Variants in FRMD4A observed in about 807,000 individuals in gnomAD.
FRMD4A encodes FERM domain-containing protein 4A.
Under a neutral mutation model 129.1 loss-of-function variants are expected in FRMD4A, and 29 were observed. That is an observed-to-expected ratio of 0.22 (90% CI 0.17 to 0.31). The LOEUF (loss-of-function observed/expected upper bound fraction) is 0.31. Ranked by LOEUF, FRMD4A falls within the 10% of genes least tolerant of loss-of-function variation. FRMD4A has a pLI of 1.00. For missense variants in FRMD4A, 1,272 were observed against 1,375.8 expected (o/e 0.92, Z 1.19); for synonymous variants, 634 against 571.6 (o/e 1.11, Z -1.56).
chr10:14,146,674 C>T (rs1029766522), intron 2 of FRMD4A, among the ~76,000 whole-genome samples: 11 of 152,156 alleles, frequency 7.2e-5, no homozygotes, highest in Non-Finnish European at 1.2e-4. Flanking sequence ...TGACTCAACA[C>T]GGCACTAAGT....
chr10:13,893,864 A>G (rs2094728490), intron 2 of FRMD4A, among the ~76,000 whole-genome samples: 1 of 151,802 alleles, frequency 6.6e-6, no homozygotes, highest in Non-Finnish European at 1.5e-5. Flanking sequence ...GGAGTTGTTG[A>G]ATTTTATCCA....
chr10:13,675,629 G>A (rs895663482), intron 15 of FRMD4A: 1 of 152,358 alleles, frequency 6.6e-6, no homozygotes, highest in Non-Finnish European at 1.5e-5. Context: ...TCGAACTCCT[G>A]ACCTCAAGTG....
At chr10:14,080,741 A>C (rs1008409495) in intron 2 of FRMD4A, among the ~76,000 whole-genome samples, 1 of 151,956 alleles carries the variant, frequency 6.6e-6, no homozygotes. Flanking sequence ...AAAAGGATGC[A>C]TTGAGGAAAG....
At chr10:13,716,159 C>G (rs531661136) in intron 12 of FRMD4A, among the ~76,000 whole-genome samples, 9 of 152,224 alleles carry the variant, frequency 5.9e-5, no homozygotes, top group African/African-American at 2.2e-4. Flanking sequence ...CCCATTCATT[C>G]GTTTGTGCTG....
At chr10:14,087,850 A>T (rs1836383043) in intron 2 of FRMD4A, among the ~76,000 whole-genome samples, 2 of 152,170 alleles carry the variant, frequency 1.3e-5, no homozygotes, top group African/African-American at 4.8e-5. Flanking sequence ...TGCCGTGTGC[A>T]CTCCATTATT....
chr10:13,779,299 G>T (rs1196944292), intron 6 of FRMD4A, among the ~76,000 whole-genome samples: 1 of 147,248 alleles, frequency 6.8e-6, no homozygotes, highest in East Asian at 2.0e-4. Flanking sequence ...CTGGGCTACA[G>T]AGTGAGACTC....
At chr10:14,066,302 T>G (rs950770655) in intron 2 of FRMD4A, among the ~76,000 whole-genome samples, 2 of 150,666 alleles carry the variant, frequency 1.3e-5, no homozygotes, top group Admixed American at 6.6e-5. Flanking sequence ...GACAACTTCC[T>G]CTTGGTGGGG....
At chr10:14,021,801 AC>A (rs1228545093) in intron 2 of FRMD4A, among the ~76,000 whole-genome samples, 5 of 152,162 alleles carry the variant, frequency 3.3e-5, no homozygotes, top group Non-Finnish European at 5.9e-5. Context: ...CCGATATCTT[AC>A]AATAACAAAT....
chr10:13,789,898 A>T (rs1220526212), intron 5 of FRMD4A, among the ~76,000 whole-genome samples: 2 of 151,798 alleles, frequency 1.3e-5, no homozygotes, highest in Non-Finnish European at 2.9e-5. Context: ...TTCTGAGGAT[A>T]ATGGGAAGCT....
At chr10:14,108,085 A>G (rs754804332) in intron 2 of FRMD4A, among the ~76,000 whole-genome samples, 3 of 152,186 alleles carry the variant, frequency 2.0e-5, no homozygotes, top group Non-Finnish European at 4.4e-5. Context: ...CAAGTGCCTC[A>G]TTCTTCACGG....
At chr10:13,691,439 C>A (rs370996960) in intron 15 of FRMD4A, among the ~76,000 whole-genome samples, 2 of 152,232 alleles carry the variant, frequency 1.3e-5, no homozygotes, top group East Asian at 3.9e-4. Flanking sequence ...TGCAGATGGA[C>A]CAGGACACGG....
At chr10:13,958,433 G>C (rs1230718946) in intron 2 of FRMD4A, among the ~76,000 whole-genome samples, 2 of 149,020 alleles carry the variant, frequency 1.3e-5, no homozygotes, top group Admixed American at 6.7e-5. Flanking sequence ...ACAGGTGCCC[G>C]CCACCATGCC....
intron 2 of FRMD4A, among the ~76,000 whole-genome samples, chr10:13,940,945 G>A (rs1308226438): frequency 6.6e-6 from 1 of 152,146 alleles, no homozygotes; most frequent in African/African-American, 2.4e-5. Flanking sequence ...TCTACTCTCT[G>A]GTGCTACTGA....
chr10:14,156,178 T>C lies in FRMD4A; in HGVS notation c.45+173880A>G, dbSNP rs145894751. Among the ~76,000 whole-genome samples, 401 of 152,308 alleles carry C rather than the reference T, an allele frequency of 2.6e-3. 3 individuals are homozygous for C. The highest frequency in any genetic ancestry group is 9.3e-3 in the African/African-American group (386 of 41,562). On this transcript the variant is annotated intron_variant, in intron 2 of 24. Transcript: ENST00000357447. ...TGACTTGCGGTATATTCACACAATG[T>C]TGTACTCAATCAATTCATTCAGTAG... is the stretch of plus-strand genomic sequence containing the variant.
At chr10:14,239,927 T>C (rs1016584126) in intron 2 of FRMD4A, among the ~76,000 whole-genome samples, 3 of 152,250 alleles carry the variant, frequency 2.0e-5, no homozygotes, top group African/African-American at 7.2e-5. Context: ...CTGGAATTGA[T>C]GTAACACCTT....
At chr10:13,952,508 G>C (rs1440541857) in intron 2 of FRMD4A, among the ~76,000 whole-genome samples, 1 of 151,700 alleles carries the variant, frequency 6.6e-6, no homozygotes, top group Admixed American at 6.6e-5. Flanking sequence ...CTCTAAAAAA[G>C]AAAACAACAA....
At chr10:14,089,216 C>T (rs11815924) in intron 2 of FRMD4A, among the ~76,000 whole-genome samples, 1 of 152,192 alleles carries the variant, frequency 6.6e-6, no homozygotes, top group African/African-American at 2.4e-5. Flanking sequence ...ACCTGTTTTC[C>T]CACAGGCCCC....
chr10:13,800,251 T>G (rs1225353760), intron 4 of FRMD4A, among the ~76,000 whole-genome samples: 1 of 152,140 alleles, frequency 6.6e-6, no homozygotes, highest in East Asian at 1.9e-4. Flanking sequence ...TTTACAGAAA[T>G]TATCCCCCAA....
At chr10:13,770,323 C>T (rs570775264) in intron 6 of FRMD4A, among the ~76,000 whole-genome samples, 8 of 152,308 alleles carry the variant, frequency 5.3e-5, no homozygotes, top group South Asian at 2.1e-4. Context: ...CATGCTCAGC[C>T]GCAACCCTAA....
Sources: gnomAD v4.1 joint callset for allele counts (sites outside exome capture counted in the v4.1 genomes callset) on GRCh38, gnomAD v4.1.1 for gene constraint, MANE v1.5 for transcripts, NCBI Gene and HGNC (gene_info 2026-07-23, HGNC 2026-07-21) for gene names.